Variants in RELL1 observed in about 807,000 individuals in gnomAD.
The protein encoded by RELL1 is RELT-like protein 1.
In RELL1, 10 loss-of-function variants were observed where a neutral mutation model predicts 23.0. The ratio of observed to expected loss-of-function variants is 0.43; its 90% confidence interval spans 0.27 to 0.74. The LOEUF (loss-of-function observed/expected upper bound fraction) is 0.74, where lower values mean the gene tolerates loss of function less well. Ranked by LOEUF, RELL1 falls within the 30% of genes least tolerant of loss-of-function variation. The probability of loss-of-function intolerance (pLI) is 0.19; values close to 1 mark genes in which losing one functional copy is unlikely to be tolerated. For missense variants in RELL1, 315 were observed against 364.4 expected (o/e 0.86, Z 1.10); for synonymous variants, 146 against 146.8 (o/e 0.99, Z 0.04).
chr4:37,600,418 A>C (rs1017061998), intron 6 of RELL1, among the ~76,000 whole-genome samples: 1 of 152,168 alleles, frequency 6.6e-6, no homozygotes, highest in African/African-American at 2.4e-5. Flanking sequence ...TTCTAATAAT[A>C]CTAATTTCTA....
At chr4:37,668,745 G>T (rs1193325547) in intron 1 of RELL1, among the ~76,000 whole-genome samples, 2 of 147,424 alleles carry the variant, frequency 1.4e-5, no homozygotes, top group Admixed American at 1.3e-4. Context: ...ATCTCTGCCC[G>T]GCCGCCATCC....
intron 5 of RELL1, among the ~76,000 whole-genome samples, chr4:37,632,084 G>GAAAAAAAAA (rs1183120605): frequency 6.7e-5 from 3 of 44,458 alleles, no homozygotes; most frequent in African/African-American, 1.9e-4. Flanking sequence ...TCTCAATAAG[G>GAAAAAAAAA]AAAAAAAAAA....
At chr4:37,667,110 C>A (rs1232156231) in intron 1 of RELL1, among the ~76,000 whole-genome samples, 1 of 151,952 alleles carries the variant, frequency 6.6e-6, no homozygotes, top group Non-Finnish European at 1.5e-5. Context: ...CAGAAGTAAC[C>A]AGGAAAACCC....
chr4:37,682,989 G>C (rs1234067340), intron 1 of RELL1, among the ~76,000 whole-genome samples: 1 of 152,124 alleles, frequency 6.6e-6, no homozygotes, highest in Non-Finnish European at 1.5e-5. Flanking sequence ...TCATCCCTTT[G>C]GGTGCTTGTG....
intron 1 of RELL1, among the ~76,000 whole-genome samples, chr4:37,669,736 C>G (rs1199657115): frequency 6.6e-6 from 1 of 152,282 alleles, no homozygotes; most frequent in African/African-American, 2.4e-5. Flanking sequence ...ACCTTACCCC[C>G]AACCCAACCC....
intron 1 of RELL1, among the ~76,000 whole-genome samples, chr4:37,682,112 G>A (rs1226702685): frequency 6.6e-6 from 1 of 152,156 alleles, no homozygotes; most frequent in African/African-American, 2.4e-5. Context: ...ATAAAATTAT[G>A]TATATAACTG....
At position 37,635,021 on chromosome 4, in the gene RELL1, CG is replaced by C; in HGVS notation, c.545del (p.Thr182ArgfsTer22). The C allele has an allele frequency of 6.2e-7, 1 of 1,614,224 alleles. No individual in the cohort carries two copies. Among genetic ancestry groups the C allele is most frequent in the Admixed American group, 1.7e-5 (1 of 60,030 alleles). ...GKHVCGHHLHTVGGVVERDVC... is the reference protein window; with the variant it reads ...GKHVCGHHLHXVGGVVERDVC... ...CATCCCTCTCGACAACACCGCCCACCGTATGCAGATGATGGCCACAGACGTG... is the reference window on the plus strand; with the variant it reads ...CATCCCTCTCGACAACACCGCCCACCTATGCAGATGATGGCCACAGACGTG... On this transcript the variant is annotated frameshift_variant, in exon 5 of 7. Transcript: ENST00000454158. LOFTEE classifies it high-confidence loss of function.
At chr4:37,634,779 C>T (rs1720260817) in intron 5 of RELL1, 108 bp downstream of exon 5, 1 of 978,906 alleles carries the variant, frequency 1.0e-6, no homozygotes, top group Admixed American at 1.8e-5. Context: ...AGAGATATAA[C>T]CTGAGACAGG....
intron 6 of RELL1, among the ~76,000 whole-genome samples, chr4:37,603,418 A>C (rs570693474): frequency 5.9e-5 from 9 of 152,350 alleles, no homozygotes; most frequent in African/African-American, 1.9e-4. Flanking sequence ...CTTGGGTAGA[A>C]CCAACATGCC....
chr4:37,620,232 C>T (rs1455232387), intron 6 of RELL1, among the ~76,000 whole-genome samples: 1 of 152,108 alleles, frequency 6.6e-6, no homozygotes, highest in Non-Finnish European at 1.5e-5. Flanking sequence ...TTGAATAATA[C>T]CAGTGAGAAA....
chr4:37,604,890 C>CAG (rs1719139291), intron 6 of RELL1, among the ~76,000 whole-genome samples: 1 of 44,264 alleles, frequency 2.3e-5, no homozygotes, highest in Non-Finnish European at 4.4e-5. Context: ...TACACACAGA[C>CAG]ACACACACAG....
downstream of RELL1, among the ~76,000 whole-genome samples, chr4:37,605,839 GA>G (rs1316510620): frequency 2.1e-3 from 236 of 112,338 alleles, 1 homozygote; most frequent in Middle Eastern, 4.7e-3. Flanking sequence ...AAGAAAGAAA[GA>G]AAGAAGGAAA....
At position 37,624,590 on chromosome 4, in the gene RELL1, A is replaced by AT. The variant is rs979317027; in HGVS notation, c.*3+6794dup. Among the ~76,000 whole-genome samples, 722 of 145,582 alleles carry AT rather than the reference A, an allele frequency of 5.0e-3. 1 individual carries two copies. Among genetic ancestry groups the AT allele is most frequent in the African/African-American group, 0.015 (587 of 39,830 alleles). On this transcript the variant is annotated intron_variant, in intron 6 of 6. Transcript: ENST00000454158. ...AGGCACCCGCCACCACGCCCGGCTAATTTTTTTTTTTGTATTTTTTAGTAG... is the reference window on the plus strand; with the variant it reads ...AGGCACCCGCCACCACGCCCGGCTAATTTTTTTTTTTTGTATTTTTTAGTAG...
chr4:37,643,896 T>G lies in RELL1; in HGVS notation c.385+3472A>C, dbSNP rs1191265385. Among the ~76,000 whole-genome samples the G allele has an allele frequency of 2.6e-5, 4 of 152,174 alleles. No homozygotes were observed. In the East Asian group the frequency reaches 7.7e-4, roughly 29 times the overall value. Reference sequence around the variant, plus strand: ...GAAAGGGGTGTGCAGCAACATCAGGTATTACCTGAGGGCCCAGGAAGGGAA... The same window carrying G: ...GAAAGGGGTGTGCAGCAACATCAGGGATTACCTGAGGGCCCAGGAAGGGAA... On this transcript the variant is annotated intron_variant, in intron 3 of 6. Coordinates refer to ENST00000454158, the MANE Select transcript of RELL1 (RefSeq NM_001085400.2).
rs1283885692 is a variant in RELL1 at position 37,664,881 on chromosome 4, G to A, written c.89-15381C>T. Among the ~76,000 whole-genome samples, 5 of 151,984 alleles carry A rather than the reference G, an allele frequency of 3.3e-5. No individual in the cohort carries two copies. In the South Asian group the frequency reaches 8.3e-4, roughly 25 times the overall value. ...TCCCCACCCACCTCACTACAACAGC[G>A]CACCACTCAGACATACCACGGTCAA... On this transcript the variant is annotated intron_variant, in intron 1 of 6. Transcript: ENST00000454158.
intron 6 of RELL1, among the ~76,000 whole-genome samples, chr4:37,598,196 T>C (rs568898294): frequency 1.1e-5 from 1 of 87,048 alleles, no homozygotes; most frequent in Admixed American, 1.7e-4. Flanking sequence ...CCAAACTAGA[T>C]AACAAAAGAA....
intron 1 of RELL1, among the ~76,000 whole-genome samples, chr4:37,669,262 G>C (rs1463331803): frequency 7.2e-6 from 1 of 138,776 alleles, no homozygotes; most frequent in Admixed American, 7.0e-5. Flanking sequence ...CCGGCCAGCC[G>C]CCCCATCCGG....
intron 3 of RELL1, among the ~76,000 whole-genome samples, chr4:37,645,977 G>A (rs1720697706): frequency 6.6e-6 from 1 of 152,224 alleles, no homozygotes; most frequent in Non-Finnish European, 1.5e-5. Flanking sequence ...CAGGGCCTGA[G>A]GGCAGAGGAG....
rs377090175 is a variant in RELL1, at chr4:37,638,390, T to C, written c.443+57A>G. On this transcript the variant is annotated intron_variant, in intron 4 of 6. Transcript: ENST00000454158. Reference sequence around the variant, plus strand: ...CAGAAGAGCATTTCAGATGGCGCCATATCTGAGCAAGTAACTGAAAAGATG... The same window carrying C: ...CAGAAGAGCATTTCAGATGGCGCCACATCTGAGCAAGTAACTGAAAAGATG... The C allele has an allele frequency of 1.7e-5, 23 of 1,347,070 alleles. No homozygotes were observed. In the African/African-American group the frequency reaches 3.1e-4, roughly 18 times the overall value. The allele number at this position is 1,347,070 out of a possible 1,614,324, so 83.4% of individuals were successfully genotyped here.
Sources: allele counts gnomAD v4.1 joint callset (sites outside exome capture counted in the v4.1 genomes callset), GRCh38; gene constraint gnomAD v4.1.1; transcripts MANE v1.5; gene names NCBI Gene and HGNC (gene_info 2026-07-23, HGNC 2026-07-21).